WDPCP: variants seen among roughly 807,000 people sequenced by gnomAD.
The protein encoded by WDPCP is WD repeat containing planar cell polarity effector.
In WDPCP, 71 loss-of-function variants were observed where a neutral mutation model predicts 93.1. The observed-to-expected ratio is 0.76, with a 90% confidence interval of 0.63 to 0.93. The LOEUF (loss-of-function observed/expected upper bound fraction) is 0.93. WDPCP is among the 40% of genes least tolerant of loss of function. WDPCP has a pLI of 0.00. For synonymous variants in WDPCP, 315 were observed against 315.0 expected, an observed-to-expected ratio of 1.00 and a Z score of 0.00; for missense variants, 844 against 887.4, an observed-to-expected ratio of 0.95 and a Z score of 0.62.
intron 3 of WDPCP, chr2:63,594,779 C>A (rs1575721004): frequency 1.0e-5 from 5 of 497,820 alleles, no homozygotes; most frequent in Admixed American, 3.4e-5. Flanking sequence ...AAACACTTTG[C>A]AAATGAGAAC....
chr2:63,400,270 G>GATACATAAAAATCATA (rs1694045555), intron 10 of WDPCP, among the ~76,000 whole-genome samples: 1 of 152,016 alleles, frequency 6.6e-6, no homozygotes, highest in South Asian at 2.1e-4. Context: ...TCTCTTGGTT[G>GATACATAAAAATCATA]ATACATAAAA....
chr2:63,473,558 C>A (rs1699805860), intron 6 of WDPCP, among the ~76,000 whole-genome samples: 1 of 152,126 alleles, frequency 6.6e-6, no homozygotes, highest in African/African-American at 2.4e-5. Context: ...CTTTTATTCC[C>A]CATTGGTATC....
chr2:63,814,051 A>G (rs1403975197), intron 1 of WDPCP, among the ~76,000 whole-genome samples: 1 of 152,224 alleles, frequency 6.6e-6, no homozygotes, highest in Non-Finnish European at 1.5e-5. Flanking sequence ...TATAAATTTG[A>G]TAGGAAAGAT....
rs1671023770 is a variant in WDPCP, at chr2:63,821,878, GT to G, written n.222+5743del. Reference sequence around the variant, plus strand: ...CACAAACGCACACTTAAGGTATGAAGTTAAGTAGTAAGGATAGGTTTTCAGC... The same window carrying G: ...CACAAACGCACACTTAAGGTATGAAGTAAGTAGTAAGGATAGGTTTTCAGC... On this transcript the variant is annotated intron_variant and non_coding_transcript_variant, in intron 1 of 4. Coordinates refer to the WDPCP transcript ENST00000467687. Among the ~76,000 whole-genome samples the G allele has an allele frequency of 1.3e-5, 2 of 152,112 alleles. 1 individual carries two copies. Among genetic ancestry groups the G allele is most frequent in the Middle Eastern group, 6.3e-3 (2 of 316 alleles).
intron 3 of WDPCP, among the ~76,000 whole-genome samples, chr2:63,640,199 G>A (rs936685476): frequency 2.6e-5 from 4 of 152,108 alleles, no homozygotes; most frequent in South Asian, 2.1e-4. Flanking sequence ...TAGTAGAGAC[G>A]GGGTTTCACC....
chr2:63,751,414 C>CA lies in WDPCP; in HGVS notation n.308+62207dup, dbSNP rs950205148. ...CATTTAGCAATCAACAGCATGGGTGCAAAAAAAAAATCTACATTAAAACCC... is the reference window on the plus strand; with the variant it reads ...CATTTAGCAATCAACAGCATGGGTGCAAAAAAAAAAATCTACATTAAAACCC... On this transcript the variant is annotated intron_variant and non_coding_transcript_variant, in intron 2 of 4. Transcript: ENST00000467687. Among the ~76,000 whole-genome samples, 55 of 148,182 alleles carry CA rather than the reference C, an allele frequency of 3.7e-4. No individual in the cohort carries two copies. In the Middle Eastern group the frequency reaches 0.01, roughly 28 times the overall value.
At chr2:63,458,581 A>C (rs1015261345) in intron 6 of WDPCP, among the ~76,000 whole-genome samples, 4 of 152,206 alleles carry the variant, frequency 2.6e-5, no homozygotes, top group African/African-American at 9.6e-5. Flanking sequence ...CTGACGAAAG[A>C]AACTGAAGAG....
At chr2:63,505,638 A>T (rs2106041266) in intron 1 of WDPCP, among the ~76,000 whole-genome samples, 1 of 152,276 alleles carries the variant, frequency 6.6e-6, no homozygotes, top group Middle Eastern at 3.4e-3. Context: ...TGTGGCAAAT[A>T]ACTGTTCAAT....
intron 10 of WDPCP, among the ~76,000 whole-genome samples, chr2:63,390,255 C>A (rs1034880091): frequency 6.6e-6 from 1 of 151,584 alleles, no homozygotes; most frequent in African/African-American, 2.4e-5. Context: ...CTCAAAACCG[C>A]ACAACTATAT....
Position 63,248,690 on chromosome 2 carries a change from C to T in WDPCP, c.1915+10617G>A, listed in dbSNP as rs531345485. On this transcript the variant is annotated intron_variant, in intron 14 of 17. Transcript: ENST00000272321. ...ATATTTGATGATGTCCCATAAATCT[C>T]ATAGGTTTAGTTCACTTTTCATAAT... 1.6e-3 allele frequency among the ~76,000 whole-genome samples: 246 copies of T among 152,230 alleles called. 2 individuals carry two copies. The highest frequency in any genetic ancestry group is 5.6e-3 in the African/African-American group (231 of 41,554).
chr2:63,361,227 G>T (rs1430056784), intron 12 of WDPCP, among the ~76,000 whole-genome samples: 1 of 152,132 alleles, frequency 6.6e-6, no homozygotes, highest in East Asian at 1.9e-4. Flanking sequence ...AAGATGGGGA[G>T]GGACTAGATG....
chr2:63,700,551 G>A (rs1262635314), intron 2 of WDPCP, among the ~76,000 whole-genome samples: 3 of 152,068 alleles, frequency 2.0e-5, no homozygotes, highest in Non-Finnish European at 2.9e-5. Flanking sequence ...TTATGCTTTC[G>A]TGCTGAACAT....
rs116463060 is a variant in WDPCP at position 63,669,049 on chromosome 2, C to T, written n.309-18211G>A. Reference sequence around the variant, plus strand: ...AAACACTAACACTTACTTAGCATTGCTAGGTAAACTTCTGTCGAATGCTTA... The same window carrying T: ...AAACACTAACACTTACTTAGCATTGTTAGGTAAACTTCTGTCGAATGCTTA... On this transcript the variant is annotated intron_variant and non_coding_transcript_variant, in intron 2 of 4. Transcript: ENST00000467687. Among the ~76,000 whole-genome samples, 1,245 of 152,262 alleles carry T rather than the reference C, an allele frequency of 8.2e-3. 13 individuals carry two copies. The highest frequency in any genetic ancestry group is 0.028 in the African/African-American group (1,143 of 41,536).
At chr2:63,369,595 C>G (rs1691215772) in intron 12 of WDPCP, 2 of 446,174 alleles carry the variant, frequency 4.5e-6, no homozygotes, top group Admixed American at 4.9e-5. Context: ...AAAAAAATAA[C>G]TAATGTCTAG....
At chr2:63,318,580 C>G (rs947517840) in intron 12 of WDPCP, among the ~76,000 whole-genome samples, 1 of 152,092 alleles carries the variant, frequency 6.6e-6, no homozygotes, top group Non-Finnish European at 1.5e-5. Flanking sequence ...GAATACTATG[C>G]AGTCATATAA....
chr2:63,358,261 G>A (rs917883207), intron 12 of WDPCP, among the ~76,000 whole-genome samples: 2 of 151,582 alleles, frequency 1.3e-5, no homozygotes, highest in African/African-American at 4.8e-5. Flanking sequence ...AAAAAATCAT[G>A]GTTGTATTTG....
At chr2:63,353,593 A>C (rs1216143971) in intron 12 of WDPCP, among the ~76,000 whole-genome samples, 1 of 152,174 alleles carries the variant, frequency 6.6e-6, no homozygotes, top group Non-Finnish European at 1.5e-5. Flanking sequence ...CCAGCACAGC[A>C]CAGCTGCTCT....
intron 4 of WDPCP, 49 bp from the exon 5 acceptor site, chr2:63,485,036 G>GA (rs1163947942): frequency 6.2e-7 from 1 of 1,602,496 alleles, no homozygotes. Context: ...ATTTAAAAAG[G>GA]AAATTCTGCT....
chr2:63,477,793 C>T (rs1455196245), intron 6 of WDPCP: 1 of 152,156 alleles, frequency 6.6e-6, no homozygotes, highest in Non-Finnish European at 1.5e-5. Flanking sequence ...GTCTAGATCA[C>T]AGGAGAAGGA....
Sources: allele counts gnomAD v4.1 joint callset (sites outside exome capture counted in the v4.1 genomes callset), GRCh38; gene constraint gnomAD v4.1.1; transcripts MANE v1.5; gene names NCBI Gene and HGNC (gene_info 2026-07-23, HGNC 2026-07-21).